CNIH3: variants seen among roughly 807,000 people sequenced by gnomAD.
CNIH3 encodes the protein protein cornichon homolog 3.
A neutral mutation model predicts 24.1 loss-of-function variants in CNIH3; 14 were observed. That is an observed-to-expected ratio of 0.58 (90% CI 0.38 to 0.91). The LOEUF is 0.91. CNIH3 is among the 40% of genes least tolerant of loss of function. The pLI, the probability that CNIH3 is intolerant of heterozygous loss-of-function variation, is 0.00. For synonymous variants in CNIH3, 68 were observed against 73.8 expected (o/e 0.92, Z 0.40); for missense variants, 178 against 196.8 (o/e 0.90, Z 0.57).
intron 1 of CNIH3, among the ~76,000 whole-genome samples, chr1:224,509,605 A>G (rs1678057367): frequency 6.6e-6 from 1 of 152,112 alleles, no homozygotes; most frequent in South Asian, 2.1e-4. Flanking sequence ...CCTGCCCCAA[A>G]TAGCTGCCAG....
chr1:224,522,712 A>G (rs1417771813), intron 2 of CNIH3, among the ~76,000 whole-genome samples: 1 of 152,218 alleles, frequency 6.6e-6, no homozygotes, highest in Admixed American at 6.5e-5. Flanking sequence ...AGATCCCACT[A>G]CACATTCTAG....
At chr1:224,464,411 A>G (rs939197984) in intron 1 of CNIH3, among the ~76,000 whole-genome samples, 4 of 152,092 alleles carry the variant, frequency 2.6e-5, no homozygotes, top group African/African-American at 9.7e-5. Flanking sequence ...GACTACAGGC[A>G]TGTGCTACTG....
intron 1 of CNIH3, among the ~76,000 whole-genome samples, chr1:224,480,724 C>T (rs922926992): frequency 2.6e-5 from 4 of 152,322 alleles, no homozygotes; most frequent in African/African-American, 9.6e-5. Flanking sequence ...CCGACAAGTT[C>T]CCCATCTCCA....
At chr1:224,663,566 A>G (rs958260554) in intron 1 of CNIH3, among the ~76,000 whole-genome samples, 2 of 152,220 alleles carry the variant, frequency 1.3e-5, no homozygotes, top group African/African-American at 4.8e-5. Flanking sequence ...CCAGACACAG[A>G]TGTGTATACA....
Position 224,734,037 on chromosome 1 carries a change from T to G in CNIH3, c.312-526T>G, listed in dbSNP as rs148903092. Among the ~76,000 whole-genome samples the G allele has an allele frequency of 7.0e-4, 107 of 152,374 alleles. 3 individuals are homozygous for G. The highest frequency in any genetic ancestry group is 6.9e-3 in the East Asian group (36 of 5,182). On this transcript the variant is annotated intron_variant, in intron 4 of 5. Transcript: ENST00000272133. ...CACCCAGCTGCCGTCCAGGGCACGCTGTCTCCCGACAGATGGCTGATGTTC... is the reference window on the plus strand; with the variant it reads ...CACCCAGCTGCCGTCCAGGGCACGCGGTCTCCCGACAGATGGCTGATGTTC...
At position 224,703,472 on chromosome 1, in the gene CNIH3, T is replaced by C. The variant is rs1384013864; in HGVS notation, c.198+18629T>C. Among the ~76,000 whole-genome samples, 2 of 152,126 alleles carry C rather than the reference T, an allele frequency of 1.3e-5. No individual in the cohort carries two copies. Among genetic ancestry groups the C allele is most frequent in the African/African-American group, 2.4e-5 (1 of 41,442 alleles). On this transcript the variant is annotated intron_variant, in intron 3 of 5. Transcript: ENST00000272133. This position sits in a 1 kb window ranked among gnomAD's most constrained non-coding sequence, Gnocchi z 4.2. Reference sequence around the variant, plus strand: ...ACTCAGCATCAGTATTTTACAAAGCTCCCCAAGTGACTCCACTGTGCAGCT... The same window carrying C: ...ACTCAGCATCAGTATTTTACAAAGCCCCCCAAGTGACTCCACTGTGCAGCT...
upstream of CNIH3, chr1:224,515,696 G>A (rs1384222990): frequency 1.3e-5 from 2 of 152,116 alleles, no homozygotes; most frequent in Admixed American, 1.3e-4. Flanking sequence ...AGTTAAACAT[G>A]GGATCCTCTC....
chr1:224,454,397 A>G, intron 1 of CNIH3: 7 of 827,102 alleles, frequency 8.5e-6, no homozygotes, highest in Non-Finnish European at 1.0e-5. Context: ...GAAATGTCAT[A>G]AACCATCCAG....
At chr1:224,467,695 A>AT (rs937677146) in intron 1 of CNIH3, among the ~76,000 whole-genome samples, 1 of 152,024 alleles carries the variant, frequency 6.6e-6, no homozygotes, top group African/African-American at 2.4e-5. Flanking sequence ...TATTGCTGGG[A>AT]TTACAGGCAT....
At chr1:224,636,574 G>C (rs1684095568) in intron 1 of CNIH3, among the ~76,000 whole-genome samples, 1 of 152,232 alleles carries the variant, frequency 6.6e-6, no homozygotes, top group African/African-American at 2.4e-5. Flanking sequence ...CAGCACCTCT[G>C]TTAAAATGAG....
chr1:224,659,418 T>C (rs967521967), intron 1 of CNIH3, among the ~76,000 whole-genome samples: 1 of 152,238 alleles, frequency 6.6e-6, no homozygotes, highest in Admixed American at 6.5e-5. Context: ...CTTAGTAAAA[T>C]GTAAATCTGC....
chr1:224,441,731 A>G (rs1228384853), intron 1 of CNIH3, among the ~76,000 whole-genome samples: 1 of 152,224 alleles, frequency 6.6e-6, no homozygotes, highest in Non-Finnish European at 1.5e-5. Context: ...ACTGTAGTAG[A>G]TTATTCATAA....
chr1:224,464,213 C>T (rs1676062907), intron 1 of CNIH3, among the ~76,000 whole-genome samples: 1 of 151,816 alleles, frequency 6.6e-6, no homozygotes, highest in Non-Finnish European at 1.5e-5. Context: ...CAATCTTTGC[C>T]CCAAGGCCAC....
At chr1:224,498,041 C>T (rs1677504802) in intron 1 of CNIH3, among the ~76,000 whole-genome samples, 1 of 152,160 alleles carries the variant, frequency 6.6e-6, no homozygotes, top group Non-Finnish European at 1.5e-5. Context: ...AATCTTCAGG[C>T]ACTGTGCAAA....
At chr1:224,547,250 C>T (rs922046337) in intron 3 of CNIH3, among the ~76,000 whole-genome samples, 2 of 152,150 alleles carry the variant, frequency 1.3e-5, no homozygotes, top group Non-Finnish European at 2.9e-5. Context: ...TGGGTGTACA[C>T]CCTGTAATAT....
intron 1 of CNIH3, among the ~76,000 whole-genome samples, chr1:224,498,098 C>G (rs1211258364): frequency 3.3e-5 from 5 of 152,196 alleles, no homozygotes; most frequent in African/African-American, 1.2e-4. Flanking sequence ...GCAGTGCCTT[C>G]CTGGGCATCC....
chr1:224,450,806 G>C (rs868219), intron 1 of CNIH3, among the ~76,000 whole-genome samples: 1 of 152,194 alleles, frequency 6.6e-6, no homozygotes, highest in Admixed American at 6.5e-5. Context: ...GGAGCCATGC[G>C]GTCTGTGTCA....
chr1:224,523,505 T>C (rs1678724421), intron 2 of CNIH3, among the ~76,000 whole-genome samples: 1 of 152,136 alleles, frequency 6.6e-6, no homozygotes. Flanking sequence ...GAATATATGG[T>C]GTTAGAACTC....
At chr1:224,593,089 G>A (rs1681827300), downstream of CNIH3, among the ~76,000 whole-genome samples, 1 of 151,812 alleles carries the variant, frequency 6.6e-6, no homozygotes, top group African/African-American at 2.4e-5. Flanking sequence ...TCACTTCTGT[G>A]GCTAGAGGTT....
Sources: gnomAD v4.1 joint callset for allele counts (sites outside exome capture counted in the v4.1 genomes callset) on GRCh38, gnomAD v4.1.1 for gene constraint, Gnocchi (gnomAD v3.1) non-coding constraint, MANE v1.5 for transcripts, NCBI Gene and HGNC (gene_info 2026-07-23, HGNC 2026-07-21) for gene names.